The following DNAH9 variants were observed in gnomAD, a reference collection of about 807,000 sequenced individuals.
DNAH9 encodes DNAH9 variant protein.
A neutral mutation model predicts 471.6 loss-of-function variants in DNAH9; 345 were observed. The ratio of observed to expected loss-of-function variants is 0.73; its 90% CI spans 0.67 to 0.80. The LOEUF (loss-of-function observed/expected upper bound fraction) is 0.80, where lower values mean the gene tolerates loss of function less well. DNAH9 is among the 30% of genes least tolerant of loss of function. The probability of loss-of-function intolerance (pLI) is 0.00; values close to 1 mark genes in which losing one functional copy is unlikely to be tolerated. For missense variants in DNAH9, 5,407 were observed against 5,609.2 expected (o/e 0.96, Z 1.15); for synonymous variants, 2,093 against 2,123.6 (o/e 0.99, Z 0.40).
At chr17:11,928,098 T>C (rs1440627693) in intron 62 of DNAH9, among the ~76,000 whole-genome samples, 3 of 141,494 alleles carry the variant, frequency 2.1e-5, no homozygotes, top group Non-Finnish European at 4.5e-5. Context: ...ATCCTTTATT[T>C]ATTTATTTAT....
In DNAH9 at chr17:11,659,881, C is replaced by T. The variant is rs113308286; in HGVS notation, c.2596-4952C>T. The stretch of plus-strand genomic sequence containing the variant: ...TCATTCCTTTGATTCTGCTGGACTT[C>T]GTAGCCCCCACGACCTGGTGTTTGG... On this transcript the variant is annotated intron_variant, in intron 14 of 68. Transcript: ENST00000262442. 6.5e-3 allele frequency among the ~76,000 whole-genome samples: 988 copies of T among 152,328 alleles called. 13 individuals are homozygous for T. The highest frequency in any genetic ancestry group is 0.022 in the African/African-American group (918 of 41,580).
intron 45 of DNAH9, among the ~76,000 whole-genome samples, chr17:11,811,751 TTCCG>T (rs1349218281): frequency 1.3e-5 from 2 of 152,046 alleles, no homozygotes; most frequent in Admixed American, 6.6e-5. Context: ...AATAAGCATC[TTCCG>T]TCAAAGGTAT....
intron 22 of DNAH9, among the ~76,000 whole-genome samples, chr17:11,698,205 A>ATATAT (rs1368016453): frequency 8.3e-6 from 1 of 120,406 alleles, no homozygotes; most frequent in Non-Finnish European, 1.7e-5. Flanking sequence ...ATAATATATT[A>ATATAT]ATAATATAAT....
At chr17:11,918,204 T>TG (rs1432128248) in intron 61 of DNAH9, among the ~76,000 whole-genome samples, 102 of 145,596 alleles carry the variant, frequency 7.0e-4, no homozygotes, top group African/African-American at 2.1e-3. Context: ...GGTTGGGTGT[T>TG]TTTTTGTTTT....
At position 11,803,978 on chromosome 17, in the gene DNAH9, G is replaced by A. The variant is rs534281611; in HGVS notation, c.8421-3754G>A. 3.9e-5 allele frequency among the ~76,000 whole-genome samples: 6 copies of A among 152,296 alleles called. No homozygotes were observed. In the East Asian group the frequency reaches 7.7e-4, roughly 20 times the overall value. ...AAGCAGATAACCCCTTGCACCCAGC[G>A]TAATGAATCATTGCGTACATCACCC... On this transcript the variant is annotated intron_variant, in intron 43 of 68. Coordinates refer to ENST00000262442, the MANE Select transcript of DNAH9 (RefSeq NM_001372.4).
At chr17:11,897,923 A>C (rs1223170647) in intron 59 of DNAH9, among the ~76,000 whole-genome samples, 1 of 152,156 alleles carries the variant, frequency 6.6e-6, no homozygotes, top group Non-Finnish European at 1.5e-5. Context: ...AGCTGAAATT[A>C]AGGTGTCAGC....
rs1470913568 is a variant in DNAH9, at chr17:11,924,498, G to T, written c.11877+557G>T. Among the ~76,000 whole-genome samples, 4 of 151,598 alleles carry T rather than the reference G, an allele frequency of 2.6e-5. No homozygotes were observed. In the East Asian group the frequency reaches 7.8e-4, roughly 30 times the overall value. The stretch of plus-strand genomic sequence containing the variant: ...GCTACCTCTCTTCTATCAGAAAAGA[G>T]AGTTAAATTAAAGAATTTAGCCCTC... On this transcript the variant is annotated intron_variant, in intron 62 of 68. Transcript: ENST00000262442.
Position 11,704,208 on chromosome 17 carries a change from C to G in DNAH9, c.5157C>G (p.Ala1719=), listed in dbSNP as rs745550975. Residue 1719 remains alanine (A), a synonymous_variant, in exon 25 of 69, where the codon GCC becomes GCG. Transcript: ENST00000262442. ...QWLFDHPAQV[A]LTCTQIWWTT... Reference sequence around the variant, plus strand: ...GGCAACTCTTGCTGCCACAGGTGGCCCTGACCTGTACTCAGATCTGGTGGA... The same window carrying G: ...GGCAACTCTTGCTGCCACAGGTGGCGCTGACCTGTACTCAGATCTGGTGGA... 2 of 1,613,910 alleles carry G rather than the reference C, an allele frequency of 1.2e-6. No homozygotes were observed. Among genetic ancestry groups the G allele is most frequent in the African/African-American group, 2.7e-5 (2 of 74,866 alleles).
chr17:11,923,735 C>A (rs191329008), intron 61 of DNAH9, 79 bp from the exon 62 acceptor site: 2 of 1,555,230 alleles, frequency 1.3e-6, no homozygotes, highest in East Asian at 4.6e-5. Flanking sequence ...GTGATCTGAG[C>A]GTGTGCATTT....
At chr17:11,843,914 TAGAG>T (rs1299743799) in intron 49 of DNAH9, among the ~76,000 whole-genome samples, 59 of 112,970 alleles carry the variant, frequency 5.2e-4, no homozygotes, top group African/African-American at 1.5e-3. Flanking sequence ...GAGAGAATAA[TAGAG>T]AGACATAAAA....
Position 11,942,335 on chromosome 17 carries a change from G to T in DNAH9, c.12693G>T (p.Arg4231=). ...VKALLEEILE[R]VTDEFNIPEL... ...CACTTCTGGAAGAAATATTGGAGCGGGTGACAGACGAGTTTAACATCCCAG... is the reference window on the plus strand; with the variant it reads ...CACTTCTGGAAGAAATATTGGAGCGTGTGACAGACGAGTTTAACATCCCAG... Residue 4231 remains arginine (R), a synonymous_variant, in exon 67 of 69, where the codon CGG becomes CGT. Transcript: ENST00000262442. 6.2e-7 allele frequency: 1 copy of T among 1,614,088 alleles called. No individual in the cohort carries two copies. Among genetic ancestry groups the T allele is most frequent in the Non-Finnish European group, 8.5e-7 (1 of 1,179,968 alleles).
chr17:11,683,320 C>T (rs2074170287), intron 19 of DNAH9, among the ~76,000 whole-genome samples: 1 of 152,070 alleles, frequency 6.6e-6, no homozygotes. Flanking sequence ...GTTACAGGTG[C>T]CCACCACCAT....
At chr17:11,772,226 A>AAATT in intron 38 of DNAH9, among the ~76,000 whole-genome samples, 1 of 151,410 alleles carries the variant, frequency 6.6e-6, no homozygotes, top group Non-Finnish European at 1.5e-5. Flanking sequence ...ACTAAATAGA[A>AAATT]TAATAATTTA....
intron 33 of DNAH9, among the ~76,000 whole-genome samples, chr17:11,753,925 C>G (rs1398775046): frequency 6.6e-6 from 1 of 152,082 alleles, no homozygotes; most frequent in Non-Finnish European, 1.5e-5. Context: ...GTACTAAGTT[C>G]AGTACCAATA....
At chr17:11,765,042 C>T (rs368988610) in intron 36 of DNAH9, among the ~76,000 whole-genome samples, 1 of 152,144 alleles carries the variant, frequency 6.6e-6, no homozygotes. Context: ...ATCTGGGGAA[C>T]GTTAGGAAAG....
rs370287869 is a variant in DNAH9, at chr17:11,810,377, A to G, written c.8707+8A>G. On this transcript the variant is annotated splice_region_variant and intron_variant, in intron 45 of 68. Transcript: ENST00000262442. The stretch of plus-strand genomic sequence containing the variant: ...ATGATCTTTTGGCATCTGGTAAGAG[A>G]TTCCTTGCACTTGGTGTCACTGATA... 46 of 1,609,356 alleles carry G rather than the reference A, an allele frequency of 2.9e-5. No individual in the cohort carries two copies. In the African/African-American group the frequency reaches 6.0e-4, roughly 21 times the overall value.
At chr17:11,822,339 C>G (rs1230703904) in intron 46 of DNAH9, 99 bp from the exon 47 acceptor site, 1 of 1,401,458 alleles carries the variant, frequency 7.1e-7, no homozygotes, top group Non-Finnish European at 9.9e-7. Context: ...GATGTGCTTC[C>G]CAATCTTCTG....
chr17:11,861,715 T>C (rs1971855173), intron 50 of DNAH9, among the ~76,000 whole-genome samples: 1 of 152,220 alleles, frequency 6.6e-6, no homozygotes, highest in Non-Finnish European at 1.5e-5. Flanking sequence ...ATGATTGCCA[T>C]TCTAACTGGT....
At chr17:11,691,401 G>A (rs1326550732) in intron 20 of DNAH9, among the ~76,000 whole-genome samples, 1 of 152,176 alleles carries the variant, frequency 6.6e-6, no homozygotes, top group Non-Finnish European at 1.5e-5. Flanking sequence ...TAAGGGAGAT[G>A]TTTGAGAACT....
Sources: allele counts gnomAD v4.1 joint callset (sites outside exome capture counted in the v4.1 genomes callset), GRCh38; gene constraint gnomAD v4.1.1; transcripts MANE v1.5; gene names NCBI Gene and HGNC (gene_info 2026-07-23, HGNC 2026-07-21).